Variants in CDK1 observed in about 807,000 individuals in gnomAD.
CDK1 encodes cyclin-dependent kinase 1.
A neutral mutation model predicts 34.6 loss-of-function variants in CDK1; 5 were observed. That is an observed-to-expected ratio of 0.14 (90% confidence interval 0.08 to 0.30). CDK1 has a LOEUF of 0.30. Among genes scored for constraint, CDK1 ranks in the 10% least tolerant of loss-of-function variants. CDK1 has a pLI of 1.00. For missense variants in CDK1, 157 were observed against 345.7 expected (o/e 0.45, Z 4.33); for synonymous variants, 108 against 114.7 (o/e 0.94, Z 0.37).
At chr10:60,786,643 C>T (rs1036209302) in intron 4 of CDK1, 1 of 167,712 alleles carries the variant, frequency 6.0e-6, no homozygotes, top group African/African-American at 2.4e-5. Context: ...TGCCGGTTGC[C>T]CCCTAAAAAA....
chr10:60,788,401 G>A (rs985205799), intron 5 of CDK1, among the ~76,000 whole-genome samples, 171 bp downstream of exon 5: 1 of 152,050 alleles, frequency 6.6e-6, no homozygotes, highest in Non-Finnish European at 1.5e-5. Context: ...AAATGGAACT[G>A]AAGCCTTTAA....
intron 4 of CDK1, chr10:60,786,641 G>A (rs2080318835): frequency 6.0e-6 from 1 of 166,282 alleles, no homozygotes; most frequent in African/African-American, 2.4e-5. Flanking sequence ...ATTGCCGGTT[G>A]CCCCCTAAAA....
At chr10:60,779,002 C>T (rs1383007751) in intron 1 of CDK1, among the ~76,000 whole-genome samples, 3 of 152,174 alleles carry the variant, frequency 2.0e-5, no homozygotes, top group African/African-American at 7.2e-5. Flanking sequence ...AGTGGGACCG[C>T]ACCTGGGCCA....
chr10:60,791,864 CATT>C, intron 5 of CDK1, 23 bp from the exon 6 acceptor site: 2 of 1,417,028 alleles, frequency 1.4e-6, no homozygotes, highest in Non-Finnish European at 2.0e-6. Flanking sequence ...CACATTTATT[CATT>C]GTAAAAATTT....
chr10:60,785,649 AT>A lies in CDK1; in HGVS notation c.195-7del, dbSNP rs780782626. On this transcript the variant is annotated splice_polypyrimidine_tract_variant and intron_variant, in intron 3 of 7. Transcript: ENST00000395284. ...TGTTTGCTGGATTCTTCTCTCATAT[AT>A]TTTTTTTCCCCAGTCTTCAGGATGT... 102 of 1,521,832 alleles carry A rather than the reference AT, an allele frequency of 6.7e-5. No homozygotes were observed. Among genetic ancestry groups the A allele is most frequent in the South Asian group, 2.2e-4 (18 of 81,208 alleles). 94.3% of individuals were successfully genotyped at this position (1,521,832 alleles called of 1,614,324 possible).
At chr10:60,784,320 A>C (rs1260369574) in intron 2 of CDK1, among the ~76,000 whole-genome samples, 11 of 152,274 alleles carry the variant, frequency 7.2e-5, no homozygotes, top group African/African-American at 2.6e-4. Flanking sequence ...CCCTTATGGG[A>C]TTCAATGATC....
chr10:60,789,090 T>A (rs1021083673), intron 5 of CDK1, among the ~76,000 whole-genome samples: 9 of 152,134 alleles, frequency 5.9e-5, no homozygotes, highest in African/African-American at 2.2e-4. Flanking sequence ...TCACGTTTTT[T>A]AAATAATTTA....
intron 7 of CDK1, among the ~76,000 whole-genome samples, chr10:60,793,362 T>A (rs542178942): frequency 6.6e-6 from 1 of 152,156 alleles, no homozygotes; most frequent in South Asian, 2.1e-4. Flanking sequence ...TTTAGCTTTT[T>A]CTGGCGCGTA....
chr10:60,786,636 C>A, intron 4 of CDK1: 1 of 165,230 alleles, frequency 6.1e-6, no homozygotes, highest in South Asian at 2.0e-4. Flanking sequence ...TAGATATTGC[C>A]GGTTGCCCCC....
At chr10:60,790,358 G>C (rs902262151) in intron 5 of CDK1, among the ~76,000 whole-genome samples, 2 of 151,998 alleles carry the variant, frequency 1.3e-5, no homozygotes, top group African/African-American at 4.8e-5. Context: ...ATCCTTCCAC[G>C]TCAGCCTCCT....
chr10:60,786,114 G>C, intron 4 of CDK1: 1 of 990,770 alleles, frequency 1.0e-6, no homozygotes, highest in Non-Finnish European at 1.2e-6. Flanking sequence ...GGTGGTTGTA[G>C]GTGTTTTATT....
At chr10:60,785,200 G>C (rs1166668911) in intron 3 of CDK1, among the ~76,000 whole-genome samples, 1 of 152,164 alleles carries the variant, frequency 6.6e-6, no homozygotes, top group Non-Finnish European at 1.5e-5. Context: ...AGAGTCTTAA[G>C]AAAAGTAGCT....
intron 5 of CDK1, among the ~76,000 whole-genome samples, chr10:60,789,296 G>A (rs2080339355): frequency 6.6e-6 from 1 of 151,950 alleles, no homozygotes; most frequent in South Asian, 2.1e-4. Context: ...GTAAATTATT[G>A]GTAACTGTAG....
In CDK1 at chr10:60,792,237, G is replaced by A. The variant is rs748366106; in HGVS notation, c.743G>A (p.Ser248Asn). Residue 248 changes from serine to asparagine, a missense_variant, in exon 7 of 8, where the codon AGC (serine) becomes AAC (asparagine). This residue lies in a region of CDK1 where 102 missense variants were observed against 233.6 expected (regional missense o/e 0.44). Transcript: ENST00000395284. ...ACATTTCCCAAATGGAAACCAGGAA[G>A]CCTAGCATCCCATGTCAAAAACTTG... ...KNTFPKWKPG[S>N]LASHVKNLDE... 2.8e-5 allele frequency: 45 copies of A among 1,612,606 alleles called. No homozygotes were observed. Among genetic ancestry groups the A allele is most frequent in the Non-Finnish European group, 3.6e-5 (43 of 1,179,378 alleles).
intron 2 of CDK1, among the ~76,000 whole-genome samples, 191 bp from the exon 3 acceptor site, chr10:60,784,514 C>T (rs934563250): frequency 6.6e-6 from 1 of 152,032 alleles, no homozygotes; most frequent in African/African-American, 2.4e-5. Flanking sequence ...CCTGTAGTCC[C>T]AGCTACTTGG....
chr10:60,778,950 C>T (rs1262976620), intron 1 of CDK1, among the ~76,000 whole-genome samples: 3 of 152,194 alleles, frequency 2.0e-5, no homozygotes, highest in Non-Finnish European at 4.4e-5. Flanking sequence ...TTTCCTGGGC[C>T]CGGCCCCTGC....
At chr10:60,781,019 T>A (rs1295771761) in intron 2 of CDK1, among the ~76,000 whole-genome samples, 1 of 151,902 alleles carries the variant, frequency 6.6e-6, no homozygotes, top group African/African-American at 2.4e-5. Flanking sequence ...TAGTGTGGTG[T>A]TCGATTGGAG....
intron 1 of CDK1, among the ~76,000 whole-genome samples, chr10:60,779,405 T>C (rs952895215): frequency 6.6e-6 from 1 of 152,094 alleles, no homozygotes; most frequent in Non-Finnish European, 1.5e-5. Flanking sequence ...TTTAACCCAT[T>C]CATTGTGATT....
chr10:60,781,400 T>C (rs2080271501), intron 2 of CDK1, among the ~76,000 whole-genome samples: 2 of 152,214 alleles, frequency 1.3e-5, no homozygotes, highest in African/African-American at 4.8e-5. Flanking sequence ...TCTTTATTTC[T>C]AGCAGTGTGA....
Sources: gnomAD v4.1 joint callset for allele counts (sites outside exome capture counted in the v4.1 genomes callset) on GRCh38, gnomAD v4.1.1 for gene constraint, gnomAD v4.1.1 regional missense constraint, MANE v1.5 for transcripts, NCBI Gene and HGNC (gene_info 2026-07-23, HGNC 2026-07-21) for gene names.